The following IKZF3 variants were observed in gnomAD, a reference collection of about 807,000 sequenced individuals.
The protein encoded by IKZF3 is zinc finger protein Aiolos.
A neutral mutation model predicts 49.0 loss-of-function variants in IKZF3; 10 were observed. That is an observed-to-expected ratio of 0.20 (90% CI 0.13 to 0.35). The LOEUF (loss-of-function observed/expected upper bound fraction) is 0.35. IKZF3 is among the 10% of genes least tolerant of loss of function. The pLI, the probability that IKZF3 is intolerant of heterozygous loss-of-function variation, is 1.00. For synonymous variants in IKZF3, 209 were observed against 228.2 expected, an observed-to-expected ratio of 0.92 and a Z score of 0.76; for missense variants, 498 against 664.8, an observed-to-expected ratio of 0.75 and a Z score of 2.76.
At chr17:39,809,134 A>AT (rs1259308452) in intron 3 of IKZF3, among the ~76,000 whole-genome samples, 1 of 152,182 alleles carries the variant, frequency 6.6e-6, no homozygotes, top group East Asian at 1.9e-4. Flanking sequence ...TCGTGATCCC[A>AT]TTTTTACTTA....
chr17:39,829,899 C>A (rs1012943665), intron 2 of IKZF3, among the ~76,000 whole-genome samples: 66 of 152,064 alleles, frequency 4.3e-4, no homozygotes, highest in African/African-American at 1.5e-3. Flanking sequence ...TTGCAGTGAG[C>A]CAAGATAGCA....
chr17:39,849,827 C>A (rs2062745575), intron 1 of IKZF3, among the ~76,000 whole-genome samples: 1 of 151,602 alleles, frequency 6.6e-6, no homozygotes, highest in Non-Finnish European at 1.5e-5. Flanking sequence ...TCACTACACA[C>A]CCAAAAGAAT....
At chr17:39,823,976 G>A (rs1421895434) in intron 3 of IKZF3, among the ~76,000 whole-genome samples, 1 of 152,144 alleles carries the variant, frequency 6.6e-6, no homozygotes, top group East Asian at 1.9e-4. Flanking sequence ...GTTAGAAGAG[G>A]GCCACCATCC....
At chr17:39,808,531 C>A (rs944615613) in intron 3 of IKZF3, among the ~76,000 whole-genome samples, 1 of 152,152 alleles carries the variant, frequency 6.6e-6, no homozygotes, top group African/African-American at 2.4e-5. Context: ...ATGGACCATA[C>A]TGTCTCACTT....
intron 3 of IKZF3, among the ~76,000 whole-genome samples, chr17:39,819,831 A>T (rs775782004): frequency 2.0e-4 from 31 of 151,902 alleles, no homozygotes; most frequent in Middle Eastern, 3.4e-3. Context: ...AAAGCTAATT[A>T]AAAAAAAATT....
intron 3 of IKZF3, among the ~76,000 whole-genome samples, chr17:39,828,057 A>G (rs2062005213): frequency 6.6e-6 from 1 of 152,168 alleles, no homozygotes; most frequent in Admixed American, 6.5e-5. Context: ...CCTTCCCTAC[A>G]TTGTCACATC....
At chr17:39,787,622 C>T (rs1375779099) in intron 6 of IKZF3, among the ~76,000 whole-genome samples, 4 of 152,204 alleles carry the variant, frequency 2.6e-5, no homozygotes, top group African/African-American at 9.6e-5. Flanking sequence ...CTTCTCACCA[C>T]CTCTACCACT....
At chr17:39,818,519 G>C (rs1414337941) in intron 3 of IKZF3, among the ~76,000 whole-genome samples, 1 of 152,142 alleles carries the variant, frequency 6.6e-6, no homozygotes, top group Non-Finnish European at 1.5e-5. Context: ...ACTATAATCT[G>C]TTTGCAGATT....
chr17:39,851,887 C>A (rs550708803), intron 1 of IKZF3, among the ~76,000 whole-genome samples: 1 of 152,254 alleles, frequency 6.6e-6, no homozygotes, highest in African/African-American at 2.4e-5. Flanking sequence ...ACAGTATCTT[C>A]TTGCTTTTGA....
At chr17:39,826,514 T>C (rs1226208335) in intron 3 of IKZF3, among the ~76,000 whole-genome samples, 1 of 152,218 alleles carries the variant, frequency 6.6e-6, no homozygotes, top group African/African-American at 2.4e-5. Flanking sequence ...TTCTGATTCA[T>C]GGGCAATGGC....
At chr17:39,824,633 G>A (rs1402151956) in intron 3 of IKZF3, among the ~76,000 whole-genome samples, 1 of 152,034 alleles carries the variant, frequency 6.6e-6, no homozygotes, top group African/African-American at 2.4e-5. Context: ...TTGAATTATG[G>A]AGGTGGTTTC....
intron 6 of IKZF3, among the ~76,000 whole-genome samples, chr17:39,785,982 T>C (rs1275284419): frequency 6.6e-6 from 1 of 152,112 alleles, no homozygotes; most frequent in East Asian, 1.9e-4. Context: ...ATGATTCCAT[T>C]TATGTGAAAT....
At chr17:39,832,507 G>T in intron 1 of IKZF3, among the ~76,000 whole-genome samples, 1 of 148,946 alleles carries the variant, frequency 6.7e-6, no homozygotes, top group Non-Finnish European at 1.5e-5. Flanking sequence ...ATATATATAT[G>T]TACATATATA....
intron 3 of IKZF3, among the ~76,000 whole-genome samples, chr17:39,795,727 A>G (rs2061145506): frequency 6.6e-6 from 1 of 151,354 alleles, no homozygotes; most frequent in Non-Finnish European, 1.5e-5. Context: ...TTATTCTAAT[A>G]TTCAACTCTG....
intron 3 of IKZF3, among the ~76,000 whole-genome samples, chr17:39,803,756 G>A (rs928294571): frequency 1.3e-5 from 2 of 152,080 alleles, no homozygotes; most frequent in East Asian, 1.9e-4. Flanking sequence ...CAGATGATCC[G>A]CCCACCTCGG....
At position 39,864,144 on chromosome 17, in the gene IKZF3, C is replaced by A; in HGVS notation, c.-18G>T. ...CCTTCCATGTCGCTGCCGGGCCGGG[C>A]TGGAGCTGCCGCTGTGGCTACTCGG... On this transcript the variant is annotated 5_prime_UTR_variant, in exon 1 of 8. Transcript: ENST00000346872. 1 of 1,611,814 alleles carries A rather than the reference C, an allele frequency of 6.2e-7. No individual in the cohort carries two copies. The highest frequency in any genetic ancestry group is 8.5e-7 in the Non-Finnish European group (1 of 1,179,206).
intron 7 of IKZF3, among the ~76,000 whole-genome samples, chr17:39,773,821 A>G (rs1003265758): frequency 1.3e-5 from 2 of 152,218 alleles, no homozygotes; most frequent in African/African-American, 4.8e-5. Flanking sequence ...AACAAGATTC[A>G]GAGAAAGGAA....
At chr17:39,776,524 C>T (rs2060594023) in intron 7 of IKZF3, among the ~76,000 whole-genome samples, 1 of 152,198 alleles carries the variant, frequency 6.6e-6, no homozygotes. Flanking sequence ...CAACTTTTCT[C>T]TGACACAATT....
chr17:39,803,514 CT>C (rs72220610), intron 3 of IKZF3, among the ~76,000 whole-genome samples: 339 of 141,322 alleles, frequency 2.4e-3, no homozygotes, highest in Middle Eastern at 3.6e-3. Flanking sequence ...TTCACTCTAT[CT>C]TTTTTTTTTT....
Sources: gnomAD v4.1 joint callset for allele counts (sites outside exome capture counted in the v4.1 genomes callset) on GRCh38, gnomAD v4.1.1 for gene constraint, MANE v1.5 for transcripts, NCBI Gene and HGNC (gene_info 2026-07-23, HGNC 2026-07-21) for gene names.